DLG5: variants seen among roughly 807,000 people sequenced by gnomAD.
The protein encoded by DLG5 is discs large MAGUK scaffold protein 5.
In DLG5, 48 loss-of-function variants were observed where a neutral mutation model predicts 189.8. The observed-to-expected ratio is 0.25, with a 90% CI of 0.20 to 0.32. The LOEUF is 0.32. DLG5 is among the 10% of genes least tolerant of loss of function. The pLI is 1.00. For missense variants in DLG5, 2,160 were observed against 2,544.7 expected, an observed-to-expected ratio of 0.85 and a Z score of 3.25; for synonymous variants, 1,016 against 1,054.1, an observed-to-expected ratio of 0.96 and a Z score of 0.70.
At position 77,806,670 on chromosome 10, in the gene DLG5, C is replaced by T. The variant is rs1841487713; in HGVS notation, c.4967+88G>A. ...AGAATCCCTCCTCCAGCAGCCCTGG[C>T]CCCAGCCCCCTCCCATGGGACAGCT... On this transcript the variant is annotated intron_variant, in intron 26 of 31. Coordinates refer to ENST00000372391, the MANE Select transcript of DLG5 (RefSeq NM_004747.4). 2.0e-6 allele frequency: 3 copies of T among 1,487,630 alleles called. No homozygotes were observed. In the Admixed American group the frequency reaches 5.3e-5, roughly 26 times the overall value. 92.2% of individuals were successfully genotyped at this position (1,487,630 alleles called of 1,614,324 possible).
intron 1 of DLG5, among the ~76,000 whole-genome samples, chr10:77,895,734 G>A (rs1185964225): frequency 1.3e-5 from 2 of 152,174 alleles, no homozygotes; most frequent in Non-Finnish European, 2.9e-5. Flanking sequence ...CGTAGGCTGG[G>A]CGCGGTGGCT....
At chr10:77,828,783 G>A in intron 13 of DLG5, 99 bp downstream of exon 13, 1 of 1,168,248 alleles carries the variant, frequency 8.6e-7, no homozygotes, top group Non-Finnish European at 1.3e-6. Flanking sequence ...CCACAACAAG[G>A]AAAATATAAA....
rs372818018 is a variant in DLG5, at chr10:77,821,642, G to A, written c.2842C>T (p.Pro948Ser). The A allele has an allele frequency of 5.6e-6, 9 of 1,610,638 alleles. No homozygotes were observed. Among genetic ancestry groups the A allele is most frequent in the Non-Finnish European group, 7.6e-6 (9 of 1,179,198 alleles). ...GCCGTGGAGCTGAGCATGGCCTTGG[G>A]CCAGGTCCCGCCGCTGTTGGAGCCT... ...SEGSNSGGTW[P>S]KAMLSSTAVP... Residue 948 changes from proline to serine, a missense_variant, in exon 15 of 32, where the codon CCC becomes TCC. Pro to Ser is a moderately conservative substitution (Grantham distance 74). Transcript: ENST00000372391.
chr10:77,868,221 G>A, intron 2 of DLG5: 1 of 415,036 alleles, frequency 2.4e-6, no homozygotes, highest in Non-Finnish European at 4.9e-6. Context: ...GAACTCGCCG[G>A]CTGGTCACTG....
At chr10:77,798,307 G>A (rs925345035) in intron 27 of DLG5, among the ~76,000 whole-genome samples, 2 of 152,180 alleles carry the variant, frequency 1.3e-5, no homozygotes, top group Non-Finnish European at 2.9e-5. Context: ...AGGAGGGTTT[G>A]GTGGTCACAT....
chr10:77,932,723 C>G, the DLG5 span, among the ~76,000 whole-genome samples: 1 of 152,194 alleles, frequency 6.6e-6, no homozygotes, highest in South Asian at 2.1e-4. Flanking sequence ...AGGTTGGGAA[C>G]TTAATGCAGG....
At chr10:77,853,938 TGGACAGAG>T (rs1298219936) in intron 4 of DLG5, among the ~76,000 whole-genome samples, 2 of 152,324 alleles carry the variant, frequency 1.3e-5, no homozygotes, top group East Asian at 3.9e-4. Flanking sequence ...GTAGGGCCCC[TGGACAGAG>T]ACCCAGAGGC....
At chr10:77,812,933 C>G (rs147492133) in intron 20 of DLG5, among the ~76,000 whole-genome samples, 85 of 152,356 alleles carry the variant, frequency 5.6e-4, no homozygotes, top group African/African-American at 1.9e-3. Flanking sequence ...TGGGGCTGTA[C>G]AGTGCACCCA....
At chr10:77,817,235 G>C (rs1488465644) in intron 18 of DLG5, 139 bp from the exon 19 acceptor site, 8 of 753,442 alleles carry the variant, frequency 1.1e-5, no homozygotes, top group Non-Finnish European at 1.1e-5. Context: ...CCTTGATATG[G>C]AACAGTCAAG....
At chr10:77,805,318 T>C (rs1311528549) in intron 27 of DLG5, among the ~76,000 whole-genome samples, 1 of 152,192 alleles carries the variant, frequency 6.6e-6, no homozygotes, top group Non-Finnish European at 1.5e-5. Flanking sequence ...GACAATGAGA[T>C]GCAAGTTGAA....
intron 1 of DLG5, among the ~76,000 whole-genome samples, chr10:77,890,805 C>T (rs1419503849): frequency 6.6e-6 from 1 of 152,144 alleles, no homozygotes; most frequent in Non-Finnish European, 1.5e-5. Context: ...CAGAGCCCAG[C>T]CCTGTACCAT....
intron 13 of DLG5, among the ~76,000 whole-genome samples, chr10:77,825,998 A>C (rs1014551743): frequency 2.6e-5 from 4 of 152,198 alleles, no homozygotes; most frequent in Non-Finnish European, 5.9e-5. Flanking sequence ...CTCCCCAAAA[A>C]ATCTGAAAAA....
rs1218957352 is a variant in DLG5, at chr10:77,805,807, A to G, written c.5022T>C (p.Asn1674=). Residue 1674 remains asparagine, a synonymous_variant, in exon 27 of 32, where the codon AAT becomes AAC. Transcript: ENST00000372391. The part of the protein sequence containing the change: ...RLSMSEVKDD[N]SATKTLSAAA... Reference sequence around the variant, plus strand: ...CCGCTGACAGCGTCTTTGTGGCGCTATTGTCATCTTTGACTTCAGACATGC... The same window carrying G: ...CCGCTGACAGCGTCTTTGTGGCGCTGTTGTCATCTTTGACTTCAGACATGC... The G allele has an allele frequency of 6.2e-7, 1 of 1,614,146 alleles. No individual in the cohort carries two copies. Among genetic ancestry groups the G allele is most frequent in the Non-Finnish European group, 8.5e-7 (1 of 1,180,022 alleles).
Position 77,792,330 on chromosome 10 carries a change from C to T in DLG5, c.*110G>A. 9.0e-7 allele frequency: 1 copy of T among 1,115,612 alleles called. No homozygotes were observed. Among genetic ancestry groups the T allele is most frequent in the South Asian group, 1.3e-5 (1 of 74,754 alleles). 69.1% of individuals were successfully genotyped at this position (1,115,612 alleles called of 1,614,324 possible). ...TTCTGGGTCCTGGTTCCGGATCCTT[C>T]CCCCGCATGTTCATAGACGGACAGA... On this transcript the variant is annotated 3_prime_UTR_variant, in exon 32 of 32. Transcript: ENST00000372391.
intron 20 of DLG5, among the ~76,000 whole-genome samples, chr10:77,814,461 TTA>T (rs59297524): frequency 0.12 from 8,317 of 69,176 alleles, 294 homozygotes; most frequent in Non-Finnish European, 0.17. Context: ...TAAAGCATGT[TTA>T]TATATATATA....
intron 29 of DLG5, among the ~76,000 whole-genome samples, chr10:77,795,670 T>C (rs1840877052): frequency 6.6e-6 from 1 of 151,710 alleles, no homozygotes; most frequent in Non-Finnish European, 1.5e-5. Flanking sequence ...GCAGGGACCC[T>C]GAGGGAAGGC....
At chr10:77,824,355 G>A (rs373728591) in intron 14 of DLG5, 29 bp downstream of exon 14, 31 of 1,553,862 alleles carry the variant, frequency 2.0e-5, no homozygotes, top group South Asian at 6.7e-5. Context: ...ACTCCTGACC[G>A]TGAGAGCAGA....
intron 2 of DLG5, among the ~76,000 whole-genome samples, chr10:77,866,542 G>A (rs1049650995): frequency 6.6e-6 from 1 of 152,160 alleles, no homozygotes; most frequent in Admixed American, 6.5e-5. Context: ...GATGGCTACA[G>A]AGCACTTGAA....
chr10:77,886,871 A>C (rs750053023), intron 1 of DLG5, among the ~76,000 whole-genome samples: 21 of 152,216 alleles, frequency 1.4e-4, no homozygotes, highest in Admixed American at 6.5e-5. Context: ...CAGAAGGAGA[A>C]CTGCATGAAG....
Sources: allele counts gnomAD v4.1 joint callset (sites outside exome capture counted in the v4.1 genomes callset), GRCh38; gene constraint gnomAD v4.1.1; transcripts MANE v1.5; gene names NCBI Gene and HGNC (gene_info 2026-07-23, HGNC 2026-07-21).